SYNPO2: variants seen among roughly 807,000 people sequenced by gnomAD.
The protein encoded by SYNPO2 is synaptopodin 2.
Under a neutral mutation model 85.0 loss-of-function variants are expected in SYNPO2, and 56 were observed. That is an observed-to-expected ratio of 0.66 (90% CI 0.53 to 0.82). The LOEUF (loss-of-function observed/expected upper bound fraction) is 0.82, where lower values mean the gene tolerates loss of function less well. Among genes scored for constraint, SYNPO2 ranks in the 40% least tolerant of loss-of-function variants. The probability of loss-of-function intolerance (pLI) is 0.00; values close to 1 mark genes in which losing one functional copy is unlikely to be tolerated. For synonymous variants in SYNPO2, 602 were observed against 591.1 expected (o/e 1.02, Z -0.27); for missense variants, 1,575 against 1,534.2 (o/e 1.03, Z -0.44).
chr4:118,965,338 A>G (rs369095793), intron 1 of SYNPO2, among the ~76,000 whole-genome samples: 2 of 152,058 alleles, frequency 1.3e-5, no homozygotes, highest in African/African-American at 4.8e-5. Context: ...CAGCAGCCAT[A>G]TGCCTGCCAA....
chr4:118,925,064 C>T (rs1304825526), intron 1 of SYNPO2, among the ~76,000 whole-genome samples: 1 of 152,108 alleles, frequency 6.6e-6, no homozygotes, highest in East Asian at 1.9e-4. Context: ...CACAGAAATG[C>T]ACCATTAATT....
In SYNPO2 at chr4:118,977,831, T is replaced by C. The variant is rs538785950; in HGVS notation, c.106-45599T>C. Among the ~76,000 whole-genome samples the C allele has an allele frequency of 6.6e-5, 10 of 152,352 alleles. 1 individual carries two copies. Among genetic ancestry groups the C allele is most frequent in the Admixed American group, 5.9e-4 (9 of 15,308 alleles). The stretch of plus-strand genomic sequence containing the variant: ...TTGTACAGTGTTAGCAATCCCACTT[T>C]TGACATCTCTAAAGCAACCCTGTAG... On this transcript the variant is annotated intron_variant, in intron 1 of 4. Coordinates refer to ENST00000307142, the MANE Select transcript of SYNPO2 (RefSeq NM_133477.3).
intron 1 of SYNPO2, among the ~76,000 whole-genome samples, chr4:118,941,427 G>C (rs910091265): frequency 6.6e-6 from 1 of 152,194 alleles, no homozygotes. Context: ...CCTAATAAGA[G>C]AGATCAAACC....
chr4:118,940,771 G>T (rs1734282710), intron 1 of SYNPO2, among the ~76,000 whole-genome samples: 1 of 152,164 alleles, frequency 6.6e-6, no homozygotes, highest in African/African-American at 2.4e-5. Flanking sequence ...ACAGAGTGAG[G>T]CTGGGAGGAA....
At chr4:118,867,808 A>C (rs1341358746) in intron 1 of SYNPO2, among the ~76,000 whole-genome samples, 1 of 152,130 alleles carries the variant, frequency 6.6e-6, no homozygotes, top group Non-Finnish European at 1.5e-5. Flanking sequence ...TCTGCTTTAG[A>C]TCTAAAGCAA....
intron 1 of SYNPO2, among the ~76,000 whole-genome samples, chr4:118,874,632 G>A (rs1300321567): frequency 6.6e-6 from 1 of 152,090 alleles, no homozygotes; most frequent in Non-Finnish European, 1.5e-5. Flanking sequence ...AGTAAACTGG[G>A]AAAGAGTAGA....
At chr4:118,896,634 C>CT (rs1732559587) in intron 1 of SYNPO2, among the ~76,000 whole-genome samples, 1 of 152,140 alleles carries the variant, frequency 6.6e-6, no homozygotes, top group South Asian at 2.1e-4. Context: ...TCTAAATCGT[C>CT]TATCATTCTT....
At chr4:118,884,400 G>A (rs1732163727), upstream of SYNPO2, among the ~76,000 whole-genome samples, 3 of 152,208 alleles carry the variant, frequency 2.0e-5, no homozygotes, top group African/African-American at 7.2e-5. Context: ...ATCCAGAGAA[G>A]TCTTGAGCTT....
At chr4:118,900,516 G>A (rs1222733404) in intron 1 of SYNPO2, among the ~76,000 whole-genome samples, 1 of 151,776 alleles carries the variant, frequency 6.6e-6, no homozygotes, top group Non-Finnish European at 1.5e-5. Context: ...ATTCCAGTAT[G>A]GTTTAAATGT....
upstream of SYNPO2, among the ~76,000 whole-genome samples, chr4:118,888,106 T>C (rs1238388195): frequency 1.3e-5 from 2 of 152,010 alleles, no homozygotes; most frequent in Non-Finnish European, 2.9e-5. Context: ...GTAGGTGACA[T>C]TGTACATTTT....
intron 1 of SYNPO2, among the ~76,000 whole-genome samples, chr4:118,946,937 C>T (rs1404656400): frequency 6.6e-6 from 1 of 152,156 alleles, no homozygotes; most frequent in African/African-American, 2.4e-5. Context: ...CCCTTTGAAT[C>T]GACAAGTTGT....
At chr4:118,850,911 A>G (rs868847109) in exon 1 of SYNPO2, 51 of 398,760 alleles carry the variant, frequency 1.3e-4, no homozygotes, top group Middle Eastern at 1.3e-3. Flanking sequence ...CTCCCACAAA[A>G]GAGATGAGAC....
rs115302624 is a variant in SYNPO2 at position 118,966,148 on chromosome 4, G to A, written c.106-57282G>A. 5.9e-3 allele frequency among the ~76,000 whole-genome samples: 897 copies of A among 152,280 alleles called. 9 individuals carry two copies. The highest frequency in any genetic ancestry group is 0.021 in the African/African-American group (860 of 41,550). On this transcript the variant is annotated intron_variant, in intron 1 of 4. Transcript: ENST00000307142. Reference sequence around the variant, plus strand: ...GATAGGACAACCAGGATTAATCTAGGTGGATCGGAGGGACTCACGGGCAAA... The same window carrying A: ...GATAGGACAACCAGGATTAATCTAGATGGATCGGAGGGACTCACGGGCAAA...
intron 1 of SYNPO2, among the ~76,000 whole-genome samples, chr4:118,911,741 A>C (rs1410616799): frequency 6.6e-6 from 1 of 152,206 alleles, no homozygotes; most frequent in African/African-American, 2.4e-5. Flanking sequence ...AGCTCTTTAG[A>C]TCATTAATTC....
intron 1 of SYNPO2, among the ~76,000 whole-genome samples, chr4:118,907,900 G>A (rs1732989619): frequency 1.3e-5 from 2 of 152,030 alleles, no homozygotes; most frequent in South Asian, 4.1e-4. Context: ...GGTACTTAAT[G>A]TGCTTTCTTA....
At chr4:118,975,243 A>G (rs1280930985) in intron 1 of SYNPO2, among the ~76,000 whole-genome samples, 1 of 152,230 alleles carries the variant, frequency 6.6e-6, no homozygotes, top group African/African-American at 2.4e-5. Flanking sequence ...ACACAGAGTA[A>G]CAAATAATTT....
At chr4:118,921,417 C>A (rs1160485746) in intron 1 of SYNPO2, among the ~76,000 whole-genome samples, 1 of 152,112 alleles carries the variant, frequency 6.6e-6, no homozygotes, top group African/African-American at 2.4e-5. Flanking sequence ...GCTGACGTAT[C>A]TAGAACATCT....
At chr4:119,040,237 A>T (rs1349291153) in intron 4 of SYNPO2, among the ~76,000 whole-genome samples, 1 of 152,248 alleles carries the variant, frequency 6.6e-6, no homozygotes, top group Non-Finnish European at 1.5e-5. Context: ...AAACACAATT[A>T]AACAAGTTCT....
At chr4:118,935,521 A>G (rs1734071714) in intron 1 of SYNPO2, among the ~76,000 whole-genome samples, 1 of 152,280 alleles carries the variant, frequency 6.6e-6, no homozygotes, top group Admixed American at 6.5e-5. Flanking sequence ...AGGACCACAC[A>G]ATGGTGGTCA....
Sources: allele counts gnomAD v4.1 joint callset (sites outside exome capture counted in the v4.1 genomes callset), GRCh38; gene constraint gnomAD v4.1.1; transcripts MANE v1.5; gene names NCBI Gene and HGNC (gene_info 2026-07-23, HGNC 2026-07-21).